XDH: variants seen among roughly 807,000 people sequenced by gnomAD.
XDH encodes the protein xanthine dehydrogenase, also known as xanthine dehydrogenase/oxidase.
Under a neutral mutation model 156.1 loss-of-function variants are expected in XDH, and 138 were observed. The observed-to-expected ratio is 0.88, with a 90% CI of 0.77 to 1.02. The LOEUF (loss-of-function observed/expected upper bound fraction) is 1.02, where lower values mean the gene tolerates loss of function less well. Among genes scored for constraint, XDH ranks in the 50% least tolerant of loss-of-function variants. The pLI, the probability that XDH is intolerant of heterozygous loss-of-function variation, is 0.00. For missense variants in XDH, 1,849 were observed against 1,684.9 expected (o/e 1.10, Z -1.71); for synonymous variants, 669 against 625.7 (o/e 1.07, Z -1.03).
chr2:31,410,816 A>T (rs904384441), intron 1 of XDH, among the ~76,000 whole-genome samples: 2 of 152,204 alleles, frequency 1.3e-5, no homozygotes, highest in Non-Finnish European at 2.9e-5. Context: ...TCTAGATTAG[A>T]GGAGACTAAA....
intron 3 of XDH, among the ~76,000 whole-genome samples, chr2:31,401,768 A>T (rs45503198): frequency 6.6e-6 from 1 of 152,054 alleles, no homozygotes; most frequent in Non-Finnish European, 1.5e-5. Context: ...TATTGCTTTC[A>T]TTTCTCTGTG....
chr2:31,341,528 G>T, intron 32 of XDH, 134 bp from the exon 33 acceptor site: 1 of 927,214 alleles, frequency 1.1e-6, no homozygotes, highest in Non-Finnish European at 1.7e-6. Context: ...CCCTGGGTGT[G>T]CTCAGGCAGA....
intron 25 of XDH, 25 bp from the exon 26 acceptor site, chr2:31,349,856 G>A: frequency 6.2e-7 from 1 of 1,613,276 alleles, no homozygotes. Flanking sequence ...AGACACAGAG[G>A]CCTTGTTGGC....
chr2:31,338,293 G>A (rs45626033), intron 34 of XDH, among the ~76,000 whole-genome samples: 1 of 152,150 alleles, frequency 6.6e-6, no homozygotes, highest in African/African-American at 2.4e-5. Context: ...ACATTTTCTA[G>A]CATAGGTTGG....
At chr2:31,345,212 T>C (rs143124863) in intron 30 of XDH, among the ~76,000 whole-genome samples, 82 of 152,342 alleles carry the variant, frequency 5.4e-4, no homozygotes, top group African/African-American at 1.9e-3. Flanking sequence ...TCCTCTTCTA[T>C]ATATGTGCAA....
At chr2:31,354,951 G>A (rs1405750382) in intron 24 of XDH, among the ~76,000 whole-genome samples, 1 of 152,064 alleles carries the variant, frequency 6.6e-6, no homozygotes, top group Non-Finnish European at 1.5e-5. Context: ...TCTTAAAACA[G>A]GATAAGCCTG....
In XDH at chr2:31,335,678, C is replaced by A. The variant is rs1475429565; in HGVS notation, c.*280G>T. ...AGTGGGGAATAGCACAAACCCTTCC[C>A]GACCCTATTCCAGATACATGATTAA... On this transcript the variant is annotated 3_prime_UTR_variant, in exon 36 of 36. Coordinates refer to ENST00000379416, the MANE Select transcript of XDH (RefSeq NM_000379.4). 2 of 536,978 alleles carry A rather than the reference C, an allele frequency of 3.7e-6. No homozygotes were observed. Among genetic ancestry groups the A allele is most frequent in the Non-Finnish European group, 6.7e-6 (2 of 297,156 alleles). 33.3% of individuals were successfully genotyped at this position (536,978 alleles called of 1,614,324 possible).
rs1381522509 is a variant in XDH at position 31,349,583 on chromosome 2, A to T, written c.2969+103T>A. 2.6e-6 allele frequency: 4 copies of T among 1,528,800 alleles called. No homozygotes were observed. The Admixed American group carries it at 5.1e-5, about 19-fold the overall frequency. The allele number at this position is 1,528,800 out of a possible 1,614,324, so 94.7% of individuals were successfully genotyped here. On this transcript the variant is annotated intron_variant, in intron 26 of 35. Transcript: ENST00000379416. The stretch of plus-strand genomic sequence containing the variant: ...ATGAGTTGGCAAACTCAGCAGTCTC[A>T]TAAGTTATCCATTGAATTATTAGCT...
intron 30 of XDH, 52 bp downstream of exon 30, chr2:31,346,717 C>G: frequency 3.1e-6 from 5 of 1,604,586 alleles, no homozygotes; most frequent in East Asian, 4.5e-5. Flanking sequence ...GGAGGCCCTG[C>G]TGTCAATTTC....
At chr2:31,367,032 G>A (rs377337480) in intron 20 of XDH, 38 bp from the exon 21 acceptor site, 52 of 1,613,796 alleles carry the variant, frequency 3.2e-5, no homozygotes, top group East Asian at 1.8e-4. Flanking sequence ...TGAGCCCAAT[G>A]CTGCAGAAGG....
chr2:31,405,850 C>T (rs1687177602), intron 2 of XDH, 57 bp downstream of exon 2: 11 of 1,599,940 alleles, frequency 6.9e-6, no homozygotes, highest in Non-Finnish European at 9.4e-6. Flanking sequence ...GTAAGGCCTA[C>T]AGAATCAGTC....
rs1409736719 is a variant in XDH, at chr2:31,373,974, C to T, written c.1603-18G>A. 1 of 1,608,646 alleles carries T rather than the reference C, an allele frequency of 6.2e-7. No individual in the cohort carries two copies. The highest frequency in any genetic ancestry group is 8.5e-7 in the Non-Finnish European group (1 of 1,176,414). On this transcript the variant is annotated intron_variant, in intron 15 of 35. Coordinates refer to ENST00000379416, the MANE Select transcript of XDH (RefSeq NM_000379.4). ...CCACACTTCTGTGGAGACAAGAAAACAGAGGTGACCAGGATTATATTTCAA... is the reference window on the plus strand; with the variant it reads ...CCACACTTCTGTGGAGACAAGAAAATAGAGGTGACCAGGATTATATTTCAA...
intron 1 of XDH, among the ~76,000 whole-genome samples, chr2:31,407,764 A>C (rs965335755): frequency 1.3e-5 from 2 of 152,206 alleles, no homozygotes; most frequent in Non-Finnish European, 2.9e-5. Flanking sequence ...TTTTTTATTG[A>C]CTAAGAGTAA....
In XDH at chr2:31,372,355, G is replaced by C; in HGVS notation, c.1729C>G (p.Pro577Ala). ...GQSEEDMVGR[P>A]LPHLAADMQA... is the part of the protein sequence containing the mutation. ...ATGTCCGCTGCCAGGTGGGGCAGGG[G>C]CCGGCCCACCATGTCCTCCTCAGAC... Residue 577 changes from proline to alanine, a missense_variant, in exon 17 of 36, where the codon CCC (proline) becomes GCC (alanine). Transcript: ENST00000379416. 6.2e-7 allele frequency: 1 copy of C among 1,614,162 alleles called. No homozygotes were observed. Among genetic ancestry groups the C allele is most frequent in the Non-Finnish European group, 8.5e-7 (1 of 1,180,044 alleles).
At chr2:31,362,055 A>AAT (rs71405564) in intron 24 of XDH, among the ~76,000 whole-genome samples, 56 of 150,674 alleles carry the variant, frequency 3.7e-4, no homozygotes, top group Middle Eastern at 3.4e-3. Context: ...TCTCATTACA[A>AAT]ATATATATAT....
chr2:31,358,573 C>T (rs7597755), intron 24 of XDH, among the ~76,000 whole-genome samples: 15,812 of 152,116 alleles, frequency 0.1, 1,165 homozygotes, highest in African/African-American at 0.21. Flanking sequence ...AAGCTGGATT[C>T]ATTCCAAGGA....
Position 31,341,345 on chromosome 2 carries a change from G to T in XDH, c.3569C>A (p.Ala1190Asp), listed in dbSNP as rs923589108. 2 of 1,575,748 alleles carry T rather than the reference G, an allele frequency of 1.3e-6. No homozygotes were observed. Among genetic ancestry groups the T allele is most frequent in the Non-Finnish European group, 1.7e-6 (2 of 1,157,900 alleles). ...GAGCCTCACCTGTCCAATATCAATGGCAGGGTTTAGACTGGAGCCAACATC... is the reference window on the plus strand; with the variant it reads ...GAGCCTCACCTGTCCAATATCAATGTCAGGGTTTAGACTGGAGCCAACATC... ...VMDVGSSLNPAIDIGQVEGAF... is the reference protein window; with the variant it reads ...VMDVGSSLNPDIDIGQVEGAF... The change falls in exon 33 of 36, where the codon GCC (alanine) becomes GAC (aspartate). Residue 1190 changes from alanine to aspartate, a missense_variant. Transcript: ENST00000379416.
chr2:31,371,147 G>A (rs72790632), intron 17 of XDH, among the ~76,000 whole-genome samples: 4,320 of 152,260 alleles, frequency 0.028, 99 homozygotes, highest in Non-Finnish European at 0.041. Context: ...GAGAATGCCC[G>A]ACTATATGAT....
intron 32 of XDH, among the ~76,000 whole-genome samples, 182 bp from the exon 33 acceptor site, chr2:31,341,576 C>G (rs1483033255): frequency 6.6e-6 from 1 of 152,150 alleles, no homozygotes; most frequent in Non-Finnish European, 1.5e-5. Context: ...CTGCCACCAT[C>G]CCCGCTGGAG....
Sources: allele counts gnomAD v4.1 joint callset (sites outside exome capture counted in the v4.1 genomes callset), GRCh38; gene constraint gnomAD v4.1.1; transcripts MANE v1.5; gene names NCBI Gene and HGNC (gene_info 2026-07-23, HGNC 2026-07-21).